The following BCAS1 variants were observed in gnomAD, a reference collection of about 807,000 sequenced individuals.
BCAS1 encodes the protein brain enriched myelin associated protein 1.
BCAS1 carries 46 observed loss-of-function variants against 65.4 expected under a neutral mutation model. The ratio of observed to expected loss-of-function variants is 0.70; its 90% CI spans 0.55 to 0.90. The LOEUF is 0.90. Among genes scored for constraint, BCAS1 ranks in the 40% least tolerant of loss-of-function variants. The pLI, the probability that BCAS1 is intolerant of heterozygous loss-of-function variation, is 0.00. For synonymous variants in BCAS1, 298 were observed against 293.5 expected (o/e 1.02, Z -0.16); for missense variants, 793 against 771.2 (o/e 1.03, Z -0.33).
chr20:53,989,496 A>G (rs546920938), intron 7 of BCAS1, among the ~76,000 whole-genome samples: 1 of 152,192 alleles, frequency 6.6e-6, no homozygotes, highest in African/African-American at 2.4e-5. Context: ...AAAATAGACA[A>G]TCAGTCATTC....
intron 12 of BCAS1, among the ~76,000 whole-genome samples, chr20:53,947,890 T>C (rs900128680): frequency 6.6e-6 from 1 of 152,182 alleles, no homozygotes; most frequent in African/African-American, 2.4e-5. Flanking sequence ...TCCTGACTAG[T>C]TAAACCTCAC....
chr20:54,013,027 T>A (rs1396066596), intron 4 of BCAS1, among the ~76,000 whole-genome samples: 1 of 152,246 alleles, frequency 6.6e-6, no homozygotes, highest in Non-Finnish European at 1.5e-5. Context: ...TATATTTTTC[T>A]ACTTTGTAAC....
intron 6 of BCAS1, among the ~76,000 whole-genome samples, chr20:53,994,123 C>T (rs933139643): frequency 2.0e-5 from 3 of 152,216 alleles, no homozygotes; most frequent in African/African-American, 7.2e-5. Flanking sequence ...CCTCTTTTCA[C>T]AGCCAGCTCC....
intron 10 of BCAS1, among the ~76,000 whole-genome samples, 154 bp downstream of exon 10, chr20:53,966,752 A>G (rs559735326): frequency 1.1e-3 from 160 of 152,340 alleles, no homozygotes; most frequent in African/African-American, 3.2e-3. Flanking sequence ...CAGAAGGAAG[A>G]AAGGGAATTT....
At chr20:54,037,912 A>G (rs60038700) in intron 3 of BCAS1, among the ~76,000 whole-genome samples, 2,170 of 151,508 alleles carry the variant, frequency 0.014, 58 homozygotes, top group African/African-American at 0.051. Context: ...AAAACTATGT[A>G]CAAGAGGGGG....
chr20:54,022,622 G>A (rs571010044), intron 4 of BCAS1, among the ~76,000 whole-genome samples: 1 of 152,118 alleles, frequency 6.6e-6, no homozygotes, highest in Non-Finnish European at 1.5e-5. Context: ...TTAGCTTTGC[G>A]ACCTTAACGC....
chr20:54,051,680 C>T (rs1027157803), intron 3 of BCAS1, among the ~76,000 whole-genome samples: 1 of 151,612 alleles, frequency 6.6e-6, no homozygotes, highest in Admixed American at 6.6e-5. Context: ...TATTTTTTTT[C>T]TTTAGTTGAT....
chr20:54,051,148 T>G (rs943525813), intron 3 of BCAS1, among the ~76,000 whole-genome samples: 1 of 152,218 alleles, frequency 6.6e-6, no homozygotes, highest in Non-Finnish European at 1.5e-5. Context: ...TTTCACTAAA[T>G]GGAACAGCAT....
At chr20:54,065,654 G>A (rs1393960587) in intron 1 of BCAS1, among the ~76,000 whole-genome samples, 2 of 152,330 alleles carry the variant, frequency 1.3e-5, no homozygotes, top group African/African-American at 4.8e-5. Context: ...TTGTAGCCAG[G>A]TGTCACCTAG....
At chr20:54,023,163 C>T (rs1448378558) in intron 4 of BCAS1, among the ~76,000 whole-genome samples, 1 of 152,178 alleles carries the variant, frequency 6.6e-6, no homozygotes, top group African/African-American at 2.4e-5. Flanking sequence ...TTATTTTTCA[C>T]TTGGGATTTT....
Position 54,058,593 on chromosome 20 carries a change from C to CTTTTTT in BCAS1, c.72+48_72+53dup, listed in dbSNP as rs3043223. On this transcript the variant is annotated intron_variant, in intron 2 of 12. Transcript: ENST00000688948. ...ACACACTTGTCAAATACAGGAAGTT[C>CTTTTTT]TTTTTTTTTTTTTTTTTTTTCTGCT... is the stretch of plus-strand genomic sequence containing the variant. The CTTTTTT allele has an allele frequency of 1.1e-3, 1,295 of 1,224,278 alleles. 3 individuals carry two copies. Among genetic ancestry groups the CTTTTTT allele is most frequent in the South Asian group, 4.4e-3 (286 of 64,730 alleles). The allele number at this position is 1,224,278 out of a possible 1,614,324, so 75.8% of individuals were successfully genotyped here.
At chr20:54,008,003 A>G (rs577823232) in intron 4 of BCAS1, among the ~76,000 whole-genome samples, 29 of 152,328 alleles carry the variant, frequency 1.9e-4, no homozygotes, top group Admixed American at 4.6e-4. Flanking sequence ...AAACACCTAT[A>G]GGCTCTGACA....
At chr20:54,002,163 C>G (rs1055607377) in intron 4 of BCAS1, among the ~76,000 whole-genome samples, 1 of 151,986 alleles carries the variant, frequency 6.6e-6, no homozygotes, top group African/African-American at 2.4e-5. Context: ...GTGTATCTCT[C>G]TCTCTCCTCT....
At chr20:54,016,891 C>G (rs1261644174) in intron 4 of BCAS1, among the ~76,000 whole-genome samples, 1 of 152,146 alleles carries the variant, frequency 6.6e-6, no homozygotes, top group African/African-American at 2.4e-5. Context: ...GACCAATTAT[C>G]CAGTGTGATA....
At position 53,948,867 on chromosome 20, in the gene BCAS1, C is replaced by T. The variant is rs905991712; in HGVS notation, c.1816-3871G>A. 5.3e-5 allele frequency among the ~76,000 whole-genome samples: 8 copies of T among 152,330 alleles called. No individual in the cohort carries two copies. In the South Asian group the frequency reaches 8.3e-4, roughly 16 times the overall value. On this transcript the variant is annotated intron_variant, in intron 12 of 12. Coordinates refer to ENST00000688948, the MANE Select transcript of BCAS1 (RefSeq NM_001366298.2). ...TGGCCCTCAGCTCACCTGTTGTCCC[C>T]GGCTCTCTTCTGTTCACTGCCCGCT...
chr20:54,025,187 C>G (rs1383207101), intron 4 of BCAS1, among the ~76,000 whole-genome samples: 1 of 152,210 alleles, frequency 6.6e-6, no homozygotes, highest in African/African-American at 2.4e-5. Context: ...AAACACAACT[C>G]TGGAAGTACT....
intron 1 of BCAS1, among the ~76,000 whole-genome samples, chr20:54,065,093 TATG>T (rs1269579157): frequency 9.2e-5 from 14 of 151,954 alleles, no homozygotes; most frequent in Non-Finnish European, 2.9e-5. Flanking sequence ...ATTTCAACTT[TATG>T]ATGAGTATCT....
chr20:54,062,979 TACAGG>T (rs2092394052), intron 1 of BCAS1, among the ~76,000 whole-genome samples: 1 of 152,236 alleles, frequency 6.6e-6, no homozygotes, highest in Admixed American at 6.5e-5. Context: ...GAATTCAGCC[TACAGG>T]ACTAGGTCCA....
chr20:53,971,124 C>T (rs1472349586), intron 9 of BCAS1, among the ~76,000 whole-genome samples: 3 of 152,178 alleles, frequency 2.0e-5, no homozygotes, highest in Non-Finnish European at 4.4e-5. Context: ...ATTATTTCTC[C>T]AATTATTTAC....
Sources: gnomAD v4.1 joint callset for allele counts (sites outside exome capture counted in the v4.1 genomes callset) on GRCh38, gnomAD v4.1.1 for gene constraint, MANE v1.5 for transcripts, NCBI Gene and HGNC (gene_info 2026-07-23, HGNC 2026-07-21) for gene names.